BBIP1: variants seen among roughly 807,000 people sequenced by gnomAD.
BBIP1 encodes BBSome interacting protein 1, also known as BBSome-interacting protein 1.
BBIP1 carries 6 observed loss-of-function variants against 8.9 expected under a neutral mutation model. The observed-to-expected ratio is 0.67, with a 90% CI of 0.37 to 1.33. The LOEUF is 1.33. Ranked by LOEUF, BBIP1 falls within the 40% of genes most tolerant of loss-of-function variation. The probability of loss-of-function intolerance (pLI) is 0.02; values close to 1 mark genes in which losing one functional copy is unlikely to be tolerated. For synonymous variants in BBIP1, 32 were observed against 33.4 expected (o/e 0.96, Z 0.14); for missense variants, 111 against 109.2 (o/e 1.02, Z -0.07).
chr10:110,908,601 C>G (rs35483097), intron 2 of BBIP1, among the ~76,000 whole-genome samples: 4,949 of 152,186 alleles, frequency 0.033, 129 homozygotes, highest in South Asian at 0.1. Flanking sequence ...AGCGAAGAAG[C>G]ATAATGCAAT....
intron 2 of BBIP1, among the ~76,000 whole-genome samples, chr10:110,915,271 C>T (rs1488603176): frequency 6.6e-6 from 1 of 152,098 alleles, no homozygotes. Flanking sequence ...ATCTTCCAAC[C>T]TTAGCCTCCC....
chr10:110,900,386 T>TTTC lies in BBIP1; in HGVS notation c.250_252dup (p.Glu84dup), dbSNP rs1361528388. Reference sequence around the variant, plus strand: ...CAGTGGGTTATTTGCCGTTGATCCTTTTCTGCCATTTCTTGTTGGCGAATT... The same window carrying TTTC: ...CAGTGGGTTATTTGCCGTTGATCCTTTTCTTCTGCCATTTCTTGTTGGCGAATT... On this transcript the variant is annotated inframe_insertion, in exon 4 of 4. Transcript: ENST00000448814. 1 of 1,535,202 alleles carries TTTC rather than the reference T, an allele frequency of 6.5e-7. No homozygotes were observed. Among genetic ancestry groups the TTTC allele is most frequent in the African/African-American group, 1.4e-5 (1 of 73,018 alleles).
In BBIP1 at chr10:110,900,305, G is replaced by T; in HGVS notation, c.*55C>A. 7.0e-7 allele frequency: 1 copy of T among 1,437,074 alleles called. No individual in the cohort carries two copies. Among genetic ancestry groups the T allele is most frequent in the Non-Finnish European group, 9.2e-7 (1 of 1,081,334 alleles). The allele number at this position is 1,437,074 out of a possible 1,614,324, so 89.0% of individuals were successfully genotyped here. The stretch of plus-strand genomic sequence containing the variant: ...TCAGCACACAGAAGCATATTTTCTA[G>T]TTATTGTTAAATAGTAGATAAGGCA... On this transcript the variant is annotated 3_prime_UTR_variant, in exon 4 of 4. Coordinates refer to ENST00000448814, the MANE Select transcript of BBIP1 (RefSeq NM_001195305.3).
chr10:110,914,563 GGATT>G (rs1420902876), intron 2 of BBIP1, among the ~76,000 whole-genome samples: 8 of 152,114 alleles, frequency 5.3e-5, no homozygotes, highest in Non-Finnish European at 1.0e-4. Flanking sequence ...TGCTTAATTT[GGATT>G]GATAATGTTT....
At chr10:110,901,715 A>G (rs1846008875) in intron 2 of BBIP1, 103 bp from the exon 3 acceptor site, 1 of 834,362 alleles carries the variant, frequency 1.2e-6, no homozygotes, top group Non-Finnish European at 2.0e-6. Flanking sequence ...TCCTATAGAA[A>G]GTGAACTACC....
At chr10:110,905,543 C>A (rs143676485) in intron 2 of BBIP1, among the ~76,000 whole-genome samples, 3,001 of 150,440 alleles carry the variant, frequency 0.02, 53 homozygotes, top group Middle Eastern at 0.06. Flanking sequence ...GCCTGGGCGA[C>A]AGACCGAGAC....
At chr10:110,918,576 T>C (rs1031086364) in intron 1 of BBIP1, among the ~76,000 whole-genome samples, 1 of 152,262 alleles carries the variant, frequency 6.6e-6, no homozygotes, top group African/African-American at 2.4e-5. Context: ...AGCTCCGTTT[T>C]GCCGGAGTTA....
intron 2 of BBIP1, chr10:110,907,702 C>T (rs753378493): frequency 1.3e-5 from 9 of 697,908 alleles, no homozygotes; most frequent in South Asian, 4.5e-5. Flanking sequence ...TATACCCCTC[C>T]GATTGTCTTC....
At chr10:110,911,576 T>A (rs912118235) in intron 2 of BBIP1, 9 of 151,646 alleles carry the variant, frequency 5.9e-5, no homozygotes, top group Non-Finnish European at 1.0e-4. Flanking sequence ...CATGTGCCCA[T>A]CCACCTCCCA....
intron 2 of BBIP1, among the ~76,000 whole-genome samples, chr10:110,909,673 T>C (rs1199834916): frequency 1.3e-5 from 2 of 152,224 alleles, no homozygotes; most frequent in African/African-American, 4.8e-5. Flanking sequence ...TATAAATCTT[T>C]ACAGTGGACA....
At position 110,911,087 on chromosome 10, in the gene BBIP1, T is replaced by C. The variant is rs528909601; in HGVS notation, c.37+7034A>G. On this transcript the variant is annotated intron_variant, in intron 2 of 3. Transcript: ENST00000448814. ...GCATCAACTTGAGATGGCTGGTGCA[T>C]TAAAGATATAATTCATATAAAGCCA... 4 of 152,278 alleles carry C rather than the reference T, an allele frequency of 2.6e-5. No homozygotes were observed. The East Asian group carries it at 7.7e-4, about 29-fold the overall frequency. The allele number at this position is 152,278 out of a possible 1,614,324, so 9.4% of individuals were successfully genotyped here.
chr10:110,901,200 A>G, intron 3 of BBIP1: 2 of 428,318 alleles, frequency 4.7e-6, no homozygotes, highest in Admixed American at 5.6e-5. Context: ...CTAGGGCAGG[A>G]GCCCAGTAGT....
At chr10:110,908,218 C>T (rs1173519760) in intron 2 of BBIP1, 1 of 152,752 alleles carries the variant, frequency 6.5e-6, no homozygotes, top group Non-Finnish European at 1.5e-5. Context: ...TTAGACCATC[C>T]TGGACAAAGC....
At chr10:110,911,746 C>T (rs1055392440) in intron 2 of BBIP1, 3 of 152,148 alleles carry the variant, frequency 2.0e-5, no homozygotes, top group Admixed American at 6.5e-5. Flanking sequence ...GATTTGAACT[C>T]GGGTCTGCCT....
intron 2 of BBIP1, chr10:110,902,297 T>A (rs1846024208): frequency 6.5e-6 from 1 of 152,756 alleles, no homozygotes; most frequent in Admixed American, 6.5e-5. Flanking sequence ...TCCCAGCATA[T>A]ATGCCATTTT....
chr10:110,915,516 T>C (rs1763980820), intron 2 of BBIP1, among the ~76,000 whole-genome samples: 2 of 152,136 alleles, frequency 1.3e-5, no homozygotes, highest in Non-Finnish European at 2.9e-5. Flanking sequence ...GATTCATTCC[T>C]TCACTCACTA....
At chr10:110,909,204 C>CTT (rs1201996103) in intron 2 of BBIP1, among the ~76,000 whole-genome samples, 1 of 75,602 alleles carries the variant, frequency 1.3e-5, no homozygotes, top group African/African-American at 2.9e-5. Context: ...AAAAGTTGGC[C>CTT]TTTTTTTTTT....
rs182788408 is a variant in BBIP1 at position 110,910,351 on chromosome 10, G to A, written c.37+7770C>T. On this transcript the variant is annotated intron_variant, in intron 2 of 3. Coordinates refer to ENST00000448814, the MANE Select transcript of BBIP1 (RefSeq NM_001195305.3). ...CCAGGTATTGTGGTGGGACTGACCA[G>A]CTGGAGGCCAGTTCACACTCAGTCT... Among the ~76,000 whole-genome samples, 80 of 152,312 alleles carry A rather than the reference G, an allele frequency of 5.3e-4. No individual in the cohort carries two copies. In the Middle Eastern group the frequency reaches 0.024, roughly 45 times the overall value.
At chr10:110,918,318 T>G in intron 1 of BBIP1, 105 bp from the exon 2 acceptor site, 1 of 618,672 alleles carries the variant, frequency 1.6e-6, no homozygotes, top group Admixed American at 2.9e-5. Context: ...CCTGCAGGAA[T>G]CCCACCACCA....
Sources: allele counts gnomAD v4.1 joint callset (sites outside exome capture counted in the v4.1 genomes callset), GRCh38; gene constraint gnomAD v4.1.1; transcripts MANE v1.5; gene names NCBI Gene and HGNC (gene_info 2026-07-23, HGNC 2026-07-21).